Variants in SMIM8 observed in about 807,000 individuals in gnomAD.
SMIM8 encodes the protein UPF0708 protein C6orf162.
SMIM8 carries 8 observed loss-of-function variants against 8.1 expected under a neutral mutation model. That is an observed-to-expected ratio of 0.99 (90% CI 0.58 to 1.78). The LOEUF (loss-of-function observed/expected upper bound fraction) is 1.78, where lower values mean the gene tolerates loss of function less well. Ranked by LOEUF, SMIM8 falls within the 40% of genes most tolerant of loss-of-function variation. The pLI, the probability that SMIM8 is intolerant of heterozygous loss-of-function variation, is 0.00. For missense variants in SMIM8, 126 were observed against 119.8 expected (o/e 1.05, Z -0.24); for synonymous variants, 45 against 39.7 (o/e 1.13, Z -0.50).
At position 87,341,162 on chromosome 6, in the gene SMIM8, T is replaced by C; in HGVS notation, c.*888T>C. The C allele has an allele frequency of 2.5e-6, 1 of 397,380 alleles. No individual in the cohort carries two copies. Among genetic ancestry groups the C allele is most frequent in the Non-Finnish European group, 4.4e-6 (1 of 225,466 alleles). The allele number at this position is 397,380 out of a possible 1,614,324, so 24.6% of individuals were successfully genotyped here. Reference sequence around the variant, plus strand: ...ATAAGGAATAGATAAGGTCTCCTTATTGTACCTTTTTTTTCTTTTGAAGTT... The same window carrying C: ...ATAAGGAATAGATAAGGTCTCCTTACTGTACCTTTTTTTTCTTTTGAAGTT... On this transcript the variant is annotated 3_prime_UTR_variant, in exon 4 of 4. Coordinates refer to ENST00000392863, the MANE Select transcript of SMIM8 (RefSeq NM_001042493.3).
chr6:87,326,847 G>A (rs1295621537), intron 1 of SMIM8, among the ~76,000 whole-genome samples: 3 of 121,262 alleles, frequency 2.5e-5, no homozygotes, highest in African/African-American at 1.0e-4. Context: ...TCGTTGATCT[G>A]TCTAATGTTG....
intron 1 of SMIM8, among the ~76,000 whole-genome samples, chr6:87,328,820 C>T (rs1181148421): frequency 1.3e-5 from 2 of 152,196 alleles, no homozygotes; most frequent in African/African-American, 4.8e-5. Context: ...CCTAAGCAAG[C>T]CTGGGCAATG....
chr6:87,330,550 C>T (rs868149799), intron 1 of SMIM8, 142 bp from the exon 2 acceptor site: 1 of 152,002 alleles, frequency 6.6e-6, no homozygotes, highest in African/African-American at 2.4e-5. Context: ...ACCATCTGTA[C>T]AGCCTCTCAC....
intron 2 of SMIM8, 109 bp from the exon 3 acceptor site, chr6:87,336,900 G>T (rs938706792): frequency 2.7e-6 from 2 of 746,162 alleles, no homozygotes; most frequent in African/African-American, 3.5e-5. Context: ...ATCACATTTG[G>T]TATGTATCTG....
At chr6:87,336,085 G>A (rs1351587600) in intron 2 of SMIM8, among the ~76,000 whole-genome samples, 1 of 152,022 alleles carries the variant, frequency 6.6e-6, no homozygotes, top group Non-Finnish European at 1.5e-5. Flanking sequence ...TGAATGTTTG[G>A]CTCTTAACTT....
chr6:87,333,094 G>T (rs1323509800), intron 2 of SMIM8, among the ~76,000 whole-genome samples: 2 of 152,214 alleles, frequency 1.3e-5, no homozygotes, highest in African/African-American at 2.4e-5. Flanking sequence ...GTCAGCCTCT[G>T]TTTCTGGTGA....
intron 3 of SMIM8, among the ~76,000 whole-genome samples, chr6:87,339,196 G>A (rs1777168610): frequency 6.6e-6 from 1 of 152,136 alleles, no homozygotes; most frequent in African/African-American, 2.4e-5. Flanking sequence ...TCCCAGCTTG[G>A]GAGGCTGAGG....
intron 1 of SMIM8, among the ~76,000 whole-genome samples, chr6:87,329,691 G>A (rs368831757): frequency 2.0e-5 from 3 of 152,014 alleles, no homozygotes; most frequent in East Asian, 3.9e-4. Flanking sequence ...CTTAAATATT[G>A]TAATATACAT....
At position 87,340,149 on chromosome 6, in the gene SMIM8, CTT is replaced by C; in HGVS notation, c.171_172del (p.Ser58ThrfsTer16). The C allele has an allele frequency of 6.2e-7, 1 of 1,600,304 alleles. No homozygotes were observed. Among genetic ancestry groups the C allele is most frequent in the Middle Eastern group, 1.7e-4 (1 of 5,992 alleles). ...TGTAATGGCTTTCGGATTGGTAACT[CTT>C]TCACTTTGCGTGGCATATATTGGTT... The part of the protein sequence containing the change: ...KPVMAFGLVT[L>X]SLCVAYIGYL... On this transcript the variant is annotated frameshift_variant, in exon 4 of 4. Transcript: ENST00000392863. LOFTEE classifies it high-confidence loss of function.
intron 2 of SMIM8, among the ~76,000 whole-genome samples, chr6:87,336,526 G>C (rs80256901): frequency 0.027 from 4,051 of 152,246 alleles, 87 homozygotes; most frequent in South Asian, 0.049. Context: ...GAAGACAGAG[G>C]AGCAGTGGGG....
chr6:87,327,332 G>A (rs1056902622), intron 1 of SMIM8, among the ~76,000 whole-genome samples: 21 of 151,934 alleles, frequency 1.4e-4, no homozygotes, highest in African/African-American at 2.4e-4. Context: ...TATTTTGCTC[G>A]TTAGTTGATA....
Position 87,340,545 on chromosome 6 carries a change from A to G in SMIM8, c.*271A>G. 1 of 222,862 alleles carries G rather than the reference A, an allele frequency of 4.5e-6. No individual in the cohort carries two copies. The highest frequency in any genetic ancestry group is 8.7e-6 in the Non-Finnish European group (1 of 115,222). The allele number at this position is 222,862 out of a possible 1,614,324, so 13.8% of individuals were successfully genotyped here. A position where few individuals can be genotyped will look rare whatever the true frequency, so the allele number is the denominator to read the frequency against. On this transcript the variant is annotated 3_prime_UTR_variant, in exon 4 of 4. Transcript: ENST00000392863. The stretch of plus-strand genomic sequence containing the variant: ...AGAATGGAAGTTGTTTTTGTTAATT[A>G]TTAAATTCTGTATAATAAAAGTACC...
At chr6:87,336,812 A>G (rs779962750) in intron 2 of SMIM8, among the ~76,000 whole-genome samples, 197 bp from the exon 3 acceptor site, 1 of 152,182 alleles carries the variant, frequency 6.6e-6, no homozygotes, top group Non-Finnish European at 1.5e-5. Flanking sequence ...GAAAATTAAA[A>G]TAATGAACAA....
rs111646889 is a variant in SMIM8 at position 87,336,955 on chromosome 6, A to T, written c.-23-54A>T. ...AATTTAAGAATTACTTTTTAAAGAA[A>T]TTTATCAGAGAAGCACAATTATGAA... On this transcript the variant is annotated intron_variant, in intron 2 of 3. Transcript: ENST00000392863. The T allele has an allele frequency of 1.3e-3, 1,777 of 1,392,664 alleles. 27 individuals are homozygous for T. The African/African-American group carries it at 0.024, about 19-fold the overall frequency. The allele number at this position is 1,392,664 out of a possible 1,614,324, so 86.3% of individuals were successfully genotyped here.
Position 87,332,054 on chromosome 6 carries a change from C to T in SMIM8, c.-24+1342C>T, listed in dbSNP as rs571089423. Reference sequence around the variant, plus strand: ...GGGAGTTGCAATATAACAAATACTACCCTGATTATTTTATTGATTCATTAT... The same window carrying T: ...GGGAGTTGCAATATAACAAATACTATCCTGATTATTTTATTGATTCATTAT... On this transcript the variant is annotated intron_variant, in intron 2 of 3. Transcript: ENST00000392863. 5.3e-5 allele frequency among the ~76,000 whole-genome samples: 8 copies of T among 151,878 alleles called. No homozygotes were observed. The South Asian group carries it at 8.3e-4, about 16-fold the overall frequency.
At chr6:87,330,827 GATAA>G (rs761312618) in intron 2 of SMIM8, 115 bp downstream of exon 2, 26 of 151,542 alleles carry the variant, frequency 1.7e-4, no homozygotes, top group Non-Finnish European at 2.4e-4. Flanking sequence ...TTTAAGAAAA[GATAA>G]ATAACAGTTT....
chr6:87,329,487 C>T (rs558322827), intron 1 of SMIM8, among the ~76,000 whole-genome samples: 1 of 152,186 alleles, frequency 6.6e-6, no homozygotes. Flanking sequence ...ATTGGCTACG[C>T]TAGTTTCAAA....
chr6:87,341,293 G>T lies in SMIM8; in HGVS notation c.*1019G>T. On this transcript the variant is annotated 3_prime_UTR_variant, in exon 4 of 4. Transcript: ENST00000392863. ...TTTATGGAAGTGGGGACAGAAATGG[G>T]GGTAAAAATGAGTGTAAACAAAGCC... The T allele has an allele frequency of 5.0e-6, 2 of 398,518 alleles. No homozygotes were observed. The highest frequency in any genetic ancestry group is 4.1e-5 in the African/African-American group (2 of 48,724). The allele number at this position is 398,518 out of a possible 1,614,324, so 24.7% of individuals were successfully genotyped here.
At chr6:87,328,065 C>T (rs1239335162) in intron 1 of SMIM8, among the ~76,000 whole-genome samples, 1 of 152,196 alleles carries the variant, frequency 6.6e-6, no homozygotes, top group East Asian at 1.9e-4. Context: ...GAGGCTTCTG[C>T]ATTCTTCACG....
Sources: allele counts gnomAD v4.1 joint callset (sites outside exome capture counted in the v4.1 genomes callset), GRCh38; gene constraint gnomAD v4.1.1; transcripts MANE v1.5; gene names NCBI Gene and HGNC (gene_info 2026-07-23, HGNC 2026-07-21).